The following LPO variants were observed in gnomAD, a reference collection of about 807,000 sequenced individuals.
The protein encoded by LPO is salivary peroxidase.
LPO carries 70 observed loss-of-function variants against 68.4 expected under a neutral mutation model. The observed-to-expected ratio is 1.02, with a 90% CI of 0.84 to 1.25. LPO has a LOEUF of 1.25. Ranked by LOEUF, LPO falls within the 50% of genes most tolerant of loss-of-function variation. The pLI is 0.00. For missense variants in LPO, 873 were observed against 908.4 expected (o/e 0.96, Z 0.50); for synonymous variants, 360 against 357.6 (o/e 1.01, Z -0.08).
At chr17:58,250,322 A>T in intron 6 of LPO, 93 bp from the exon 7 acceptor site, 1 of 985,672 alleles carries the variant, frequency 1.0e-6, no homozygotes. Flanking sequence ...GTGCACTTGT[A>T]ACATGGTAGG....
At chr17:58,254,776 G>A in intron 8 of LPO, 35 bp from the exon 9 acceptor site, 1 of 1,610,836 alleles carries the variant, frequency 6.2e-7, no homozygotes, top group Non-Finnish European at 8.5e-7. Context: ...GGGGCTGTTA[G>A]GGAGAATCTA....
intron 10 of LPO, 123 bp from the exon 11 acceptor site, chr17:58,266,030 T>TG (rs987102933): frequency 1.1e-6 from 1 of 886,124 alleles, no homozygotes; most frequent in Middle Eastern, 2.9e-4. Flanking sequence ...CCTTCCAGCC[T>TG]GGGATGTCCA....
chr17:58,250,671 T>C lies in LPO; in HGVS notation c.780+50T>C, dbSNP rs537553383. ...CTGACTAGCCCCTTGCCCACCCTGA[T>C]GTAGCAGACATTCCCAGCTCATCAG... On this transcript the variant is annotated intron_variant, in intron 7 of 12. Transcript: ENST00000262290. 13 of 1,568,912 alleles carry C rather than the reference T, an allele frequency of 8.3e-6. No homozygotes were observed. The South Asian group carries it at 8.9e-5, about 11-fold the overall frequency.
chr17:58,248,036 G>A (rs1969883376), intron 4 of LPO, among the ~76,000 whole-genome samples: 1 of 151,684 alleles, frequency 6.6e-6, no homozygotes, highest in South Asian at 2.1e-4. Context: ...TGTGTCAGGG[G>A]GATTTACTTG....
intron 9 of LPO, 69 bp downstream of exon 9, chr17:58,255,040 G>A (rs961357786): frequency 6.5e-7 from 1 of 1,545,076 alleles, no homozygotes; most frequent in Non-Finnish European, 8.8e-7. Flanking sequence ...CCCTCTGCTG[G>A]CTGCTGTGCC....
chr17:58,244,218 C>T, intron 3 of LPO, 137 bp downstream of exon 3: 1 of 684,914 alleles, frequency 1.5e-6, no homozygotes, highest in Non-Finnish European at 2.6e-6. Context: ...AAAACTTACC[C>T]TTCCATCCTC....
chr17:58,256,286 A>G (rs1567820826), intron 9 of LPO, among the ~76,000 whole-genome samples: 2 of 152,178 alleles, frequency 1.3e-5, no homozygotes, highest in African/African-American at 2.4e-5. Flanking sequence ...TTAGATTATT[A>G]TGAATAAAGC....
intron 4 of LPO, 119 bp from the exon 5 acceptor site, chr17:58,248,941 C>T: frequency 1.3e-6 from 1 of 784,228 alleles, no homozygotes. Context: ...GAAACGCTTA[C>T]TTAGAATGGA....
At chr17:58,250,340 TA>T in intron 6 of LPO, 74 bp from the exon 7 acceptor site, 1 of 1,138,270 alleles carries the variant, frequency 8.8e-7, no homozygotes, top group Non-Finnish European at 1.3e-6. Context: ...AGGTAGTTAA[TA>T]AGCTGTAGTT....
In LPO at chr17:58,268,063, TC is replaced by T; in HGVS notation, c.*72del. 2 of 1,490,242 alleles carry T rather than the reference TC, an allele frequency of 1.3e-6. No homozygotes were observed. Among genetic ancestry groups the T allele is most frequent in the Non-Finnish European group, 1.9e-6 (2 of 1,076,910 alleles). The allele number at this position is 1,490,242 out of a possible 1,614,324, so 92.3% of individuals were successfully genotyped here. A position where few individuals can be genotyped will look rare whatever the true frequency, so the allele number is the denominator to read the frequency against. On this transcript the variant is annotated 3_prime_UTR_variant, in exon 13 of 13. Transcript: ENST00000262290. Reference sequence around the variant, plus strand: ...ATTTCAAGCAAGTTCAATGACCTGGTCCCTTAGAGCTCCATATCCCAGTCCC... The same window carrying T: ...ATTTCAAGCAAGTTCAATGACCTGGTCCTTAGAGCTCCATATCCCAGTCCC...
At chr17:58,258,918 T>C (rs1049334322) in intron 9 of LPO, among the ~76,000 whole-genome samples, 1 of 152,254 alleles carries the variant, frequency 6.6e-6, no homozygotes, top group African/African-American at 2.4e-5. Context: ...CAAATTGGAC[T>C]ATTTGACTTG....
chr17:58,244,932 C>T (rs1032552475), intron 3 of LPO, among the ~76,000 whole-genome samples: 1 of 152,226 alleles, frequency 6.6e-6, no homozygotes, highest in Non-Finnish European at 1.5e-5. Context: ...AGGAAACGCA[C>T]ACTCTAGGGA....
intron 8 of LPO, chr17:58,254,607 A>G (rs1488362751): frequency 2.8e-5 from 14 of 508,192 alleles, no homozygotes; most frequent in Non-Finnish European, 4.6e-5. Context: ...TCACACAGCT[A>G]AAAAGTGTGT....
chr17:58,240,815 T>G (rs1232445542), intron 1 of LPO, among the ~76,000 whole-genome samples: 1 of 152,192 alleles, frequency 6.6e-6, no homozygotes, highest in East Asian at 1.9e-4. Context: ...ATTTTTTACT[T>G]TGTGTTTGTC....
intron 9 of LPO, 86 bp downstream of exon 9, chr17:58,255,057 T>C: frequency 1.4e-6 from 2 of 1,442,908 alleles, no homozygotes; most frequent in Non-Finnish European, 1.9e-6. Context: ...TGCCTCAGGC[T>C]CTCTCCTCTG....
chr17:58,262,955 T>C, intron 9 of LPO, among the ~76,000 whole-genome samples: 1 of 152,246 alleles, frequency 6.6e-6, no homozygotes, highest in East Asian at 1.9e-4. Flanking sequence ...TGGAACTCCA[T>C]TGATATGAAT....
intron 9 of LPO, among the ~76,000 whole-genome samples, chr17:58,257,275 G>A (rs1021283534): frequency 5.3e-5 from 8 of 151,756 alleles, no homozygotes; most frequent in Non-Finnish European, 8.8e-5. Context: ...CTCCACCTCC[G>A]CCCCCCACAG....
chr17:58,252,260 C>T lies in LPO; in HGVS notation c.859C>T (p.Pro287Ser), dbSNP rs1465501366. 9 of 1,614,194 alleles carry T rather than the reference C, an allele frequency of 5.6e-6. No homozygotes were observed. Among genetic ancestry groups the T allele is most frequent in the Non-Finnish European group, 7.6e-6 (9 of 1,180,032 alleles). The change falls in exon 8 of 13, where the codon CCA becomes TCA. Residue 287 changes from proline to serine, a missense_variant. Physicochemically the swap from Pro to Ser is moderately conservative, Grantham distance 74 (BLOSUM62 -1). Coordinates refer to ENST00000262290, the MANE Select transcript of LPO (RefSeq NM_006151.3). ...FFRAGFVCPTPPYKSLAREQI... is the reference protein window; with the variant it reads ...FFRAGFVCPTSPYKSLAREQI... ...CCGAGCTGGGTTCGTCTGCCCCACT[C>T]CACCCTACAAGTCCCTGGCCCGAGA...
In LPO at chr17:58,250,551, G is replaced by A. The variant is rs760470695; in HGVS notation, c.710G>A (p.Gly237Glu). The A allele has an allele frequency of 1.9e-6, 3 of 1,614,010 alleles. No individual in the cohort carries two copies. Among genetic ancestry groups the A allele is most frequent in the East Asian group, 2.2e-5 (1 of 44,896 alleles). The change falls in exon 7 of 13, where the codon GGG (glycine) becomes GAG (glutamate). Residue 237 changes from glycine (G) to glutamate (E), a missense_variant. By Grantham distance (98) the Gly-to-Glu change is moderately conservative. Coordinates refer to ENST00000262290, the MANE Select transcript of LPO (RefSeq NM_006151.3). The part of the protein sequence containing the change: ...DLDFAPDTEL[G>E]SSEYSKAQCD... Reference sequence around the variant, plus strand: ...GACTTTGCCCCTGACACCGAGCTGGGGAGTAGCGAGTACTCCAAAGCCCAG... The same window carrying A: ...GACTTTGCCCCTGACACCGAGCTGGAGAGTAGCGAGTACTCCAAAGCCCAG...
Sources: allele counts gnomAD v4.1 joint callset (sites outside exome capture counted in the v4.1 genomes callset), GRCh38; gene constraint gnomAD v4.1.1; transcripts MANE v1.5; gene names NCBI Gene and HGNC (gene_info 2026-07-23, HGNC 2026-07-21).